CDK14: variants seen among roughly 807,000 people sequenced by gnomAD.
CDK14 encodes cyclin dependent kinase 14, also known as cyclin-dependent kinase 14.
In CDK14, 34 loss-of-function variants were observed where a neutral mutation model predicts 60.7. The observed-to-expected ratio is 0.56, with a 90% CI of 0.43 to 0.75. The LOEUF is 0.75. CDK14 is among the 30% of genes least tolerant of loss of function. The probability of loss-of-function intolerance (pLI) is 0.00; values close to 1 mark genes in which losing one functional copy is unlikely to be tolerated. For missense variants in CDK14, 482 were observed against 564.1 expected (o/e 0.85, Z 1.47); for synonymous variants, 197 against 203.7 (o/e 0.97, Z 0.28).
intron 5 of CDK14, among the ~76,000 whole-genome samples, chr7:90,843,951 T>C (rs1790381122): frequency 6.6e-6 from 1 of 152,162 alleles, no homozygotes. Flanking sequence ...AAATTTTTAC[T>C]AGGGAAAAGG....
chr7:91,182,691 A>G (rs1802041950), intron 14 of CDK14, among the ~76,000 whole-genome samples: 4 of 152,138 alleles, frequency 2.6e-5, no homozygotes, highest in South Asian at 2.1e-4. Flanking sequence ...TTATACCACT[A>G]TATGCACCTA....
intron 2 of CDK14, among the ~76,000 whole-genome samples, chr7:90,605,864 T>C (rs1011234588): frequency 7.9e-5 from 12 of 152,230 alleles, no homozygotes; most frequent in African/African-American, 2.4e-4. Context: ...GAAAACCTTT[T>C]TTCTTGCTTA....
At chr7:91,008,772 A>G (rs764694672) in intron 10 of CDK14, among the ~76,000 whole-genome samples, 3 of 152,236 alleles carry the variant, frequency 2.0e-5, no homozygotes, top group Non-Finnish European at 4.4e-5. Flanking sequence ...TAGAAATGCT[A>G]CTGTACAAGA....
chr7:90,618,242 G>A (rs1482489035), intron 2 of CDK14, among the ~76,000 whole-genome samples: 1 of 152,144 alleles, frequency 6.6e-6, no homozygotes, highest in Non-Finnish European at 1.5e-5. Context: ...CTTTAGGTGG[G>A]TATAGGGAGA....
At chr7:91,045,825 T>C in intron 10 of CDK14, 72 bp from the exon 11 acceptor site, 1 of 954,898 alleles carries the variant, frequency 1.0e-6, no homozygotes. Flanking sequence ...GTGTACTATT[T>C]TTCTACACTT....
chr7:90,726,904 A>G (rs1802656884), intron 3 of CDK14, 92 bp downstream of exon 3: 1 of 1,452,518 alleles, frequency 6.9e-7, no homozygotes, highest in Non-Finnish European at 9.4e-7. Flanking sequence ...AGGAAACTTT[A>G]TCAGTGCCTT....
intron 2 of CDK14, among the ~76,000 whole-genome samples, chr7:90,611,178 T>C (rs1413785577): frequency 6.6e-6 from 1 of 152,204 alleles, no homozygotes; most frequent in Non-Finnish European, 1.5e-5. Flanking sequence ...TTTTTCTAGA[T>C]ACTTTCACCA....
rs1310214374 is a variant in CDK14, at chr7:91,008,137, AAAAAAAAACAAAC to A, written c.1041+23905_1041+23917del. 2.2e-4 allele frequency among the ~76,000 whole-genome samples: 31 copies of A among 143,666 alleles called. 2 individuals carry two copies. Among genetic ancestry groups the A allele is most frequent in the African/African-American group, 7.8e-4 (29 of 37,200 alleles). The allele number at this position is 143,666 out of a possible 152,430, so 94.3% of individuals were successfully genotyped here. A position where few individuals can be genotyped will look rare whatever the true frequency, so the allele number is the denominator to read the frequency against. ...GTGCCGGGAGAAGGCCAAAAAAAAA[AAAAAAAAACAAAC>A]AAAAAAAAACAGTGGATGGTGGAGG... On this transcript the variant is annotated intron_variant, in intron 10 of 14. Transcript: ENST00000380050.
chr7:91,030,862 T>C (rs2115935684), intron 10 of CDK14, among the ~76,000 whole-genome samples: 1 of 152,360 alleles, frequency 6.6e-6, no homozygotes, highest in African/African-American at 2.4e-5. Context: ...CAGGCCAGCC[T>C]GTTCCCTCCC....
chr7:90,861,213 A>G lies in CDK14; in HGVS notation c.545-1962A>G, dbSNP rs556585001. Among the ~76,000 whole-genome samples the G allele has an allele frequency of 7.9e-5, 12 of 151,920 alleles. No individual in the cohort carries two copies. In the East Asian group the frequency reaches 9.7e-4, roughly 12 times the overall value. On this transcript the variant is annotated intron_variant, in intron 5 of 14. Transcript: ENST00000380050. Reference sequence around the variant, plus strand: ...CAGGAGCAAGATATATCAATGGGGGAAAAAAAAGATTACTGTTCCTATGGG... The same window carrying G: ...CAGGAGCAAGATATATCAATGGGGGGAAAAAAAGATTACTGTTCCTATGGG...
chr7:90,975,022 G>A (rs1216948979), intron 9 of CDK14, among the ~76,000 whole-genome samples: 1 of 152,138 alleles, frequency 6.6e-6, no homozygotes, highest in African/African-American at 2.4e-5. Context: ...GAAAGGTAAT[G>A]GTGGCTAATA....
chr7:91,182,516 TTTTTA>T, intron 14 of CDK14, among the ~76,000 whole-genome samples: 1 of 152,164 alleles, frequency 6.6e-6, no homozygotes, highest in East Asian at 1.9e-4. Flanking sequence ...TATGCAATTT[TTTTTA>T]TTTTATAGCT....
intron 14 of CDK14, among the ~76,000 whole-genome samples, chr7:91,146,575 A>G (rs1306594665): frequency 2.6e-5 from 4 of 152,212 alleles, no homozygotes; most frequent in Non-Finnish European, 4.4e-5. Flanking sequence ...GGAGAGGATT[A>G]CAGTTAAGCA....
chr7:90,924,586 A>T (rs1397095213), intron 8 of CDK14, among the ~76,000 whole-genome samples: 2 of 152,236 alleles, frequency 1.3e-5, no homozygotes. Flanking sequence ...ATCTTAGATG[A>T]CAGTAAATGA....
chr7:91,121,513 G>A (rs569543483), intron 14 of CDK14, among the ~76,000 whole-genome samples: 5 of 152,050 alleles, frequency 3.3e-5, no homozygotes, highest in Non-Finnish European at 5.9e-5. Context: ...TTCTTTCCTT[G>A]CATACCAAGG....
In CDK14 at chr7:90,731,073, C is replaced by G. The variant is rs191982125; in HGVS notation, c.369+4261C>G. On this transcript the variant is annotated intron_variant, in intron 3 of 14. Coordinates refer to ENST00000380050, the MANE Select transcript of CDK14 (RefSeq NM_001287135.2). ...TCCAGTTTTGGCTTTTTACATATGG[C>G]TAGCCAGTTTTCCCAACACTATTTA... Among the ~76,000 whole-genome samples, 21 of 152,284 alleles carry G rather than the reference C, an allele frequency of 1.4e-4. No individual in the cohort carries two copies. In the East Asian group the frequency reaches 3.9e-3, roughly 28 times the overall value.
intron 10 of CDK14, among the ~76,000 whole-genome samples, chr7:90,985,903 C>A (rs189706035): frequency 2.0e-5 from 3 of 152,088 alleles, no homozygotes; most frequent in Admixed American, 2.0e-4. Flanking sequence ...TTCCCACACA[C>A]AAATGTTAAC....
intron 7 of CDK14, among the ~76,000 whole-genome samples, chr7:90,911,649 T>C (rs1021017258): frequency 3.4e-5 from 5 of 145,470 alleles, no homozygotes; most frequent in African/African-American, 1.3e-4. Flanking sequence ...AGGACACCTC[T>C]AGACACTGAG....
intron 6 of CDK14, among the ~76,000 whole-genome samples, chr7:90,885,555 C>A (rs1291358966): frequency 6.6e-6 from 1 of 152,058 alleles, no homozygotes; most frequent in Admixed American, 6.5e-5. Context: ...CTCAGCAATC[C>A]CATTATAGGG....
Sources: allele counts gnomAD v4.1 joint callset (sites outside exome capture counted in the v4.1 genomes callset), GRCh38; gene constraint gnomAD v4.1.1; transcripts MANE v1.5; gene names NCBI Gene and HGNC (gene_info 2026-07-23, HGNC 2026-07-21).